Variants in AVIL observed in about 807,000 individuals in gnomAD.
The protein encoded by AVIL is advillin.
AVIL carries 78 observed loss-of-function variants against 109.9 expected under a neutral mutation model. The ratio of observed to expected loss-of-function variants is 0.71; its 90% CI spans 0.59 to 0.86. AVIL has a LOEUF of 0.86. Ranked by LOEUF, AVIL falls within the 40% of genes least tolerant of loss-of-function variation. The probability of loss-of-function intolerance (pLI) is 0.00; values close to 1 mark genes in which losing one functional copy is unlikely to be tolerated. For missense variants in AVIL, 892 were observed against 1,016.5 expected, an observed-to-expected ratio of 0.88 and a Z score of 1.67; for synonymous variants, 367 against 379.1, an observed-to-expected ratio of 0.97 and a Z score of 0.37.
At chr12:57,816,148 G>T in intron 1 of AVIL, 89 bp from the exon 2 acceptor site, 1 of 1,090,636 alleles carries the variant, frequency 9.2e-7, no homozygotes, top group Non-Finnish European at 1.3e-6. Flanking sequence ...TTCCCAGTCT[G>T]TTGTCAGCCA....
intron 1 of AVIL, 50 bp from the exon 2 acceptor site, chr12:57,816,109 G>T: frequency 1.3e-6 from 2 of 1,486,692 alleles, no homozygotes; most frequent in Non-Finnish European, 1.8e-6. Flanking sequence ...GCCATAGTGG[G>T]CATCAATCCA....
At chr12:57,808,071 C>T (rs952606609) in intron 11 of AVIL, 123 bp downstream of exon 11, 1 of 1,141,046 alleles carries the variant, frequency 8.8e-7, no homozygotes, top group Admixed American at 1.8e-5. Context: ...AAAGAAGACT[C>T]CTGAGGTGCC....
In AVIL at chr12:57,802,237, T is replaced by C. The variant is rs1220714666; in HGVS notation, c.2074A>G (p.Ile692Val). The C allele has an allele frequency of 6.2e-7, 1 of 1,614,174 alleles. No homozygotes were observed. The highest frequency in any genetic ancestry group is 8.5e-7 in the Non-Finnish European group (1 of 1,179,994). Residue 692 changes from isoleucine to valine, a missense_variant, in exon 17 of 20, where the codon ATC (isoleucine) becomes GTC (valine). Transcript: ENST00000549994. ...HPSGRDPDTP[I>V]LIIKQGFEPP... is the part of the protein sequence containing the mutation. Reference sequence around the variant, plus strand: ...TCAAACCCCTGCTTAATGATCAGGATTGGTGTGTCGGGATCTCGGCCGCTG... The same window carrying C: ...TCAAACCCCTGCTTAATGATCAGGACTGGTGTGTCGGGATCTCGGCCGCTG...
At position 57,813,424 on chromosome 12, in the gene AVIL, C is replaced by G; in HGVS notation, c.142-1G>C. On this transcript the variant is annotated splice_acceptor_variant, in intron 3 of 19. Coordinates refer to ENST00000549994, the MANE Select transcript of AVIL (RefSeq NM_006576.4). LOFTEE classifies it high-confidence loss of function. ...ATAGGAGACTGGCCACTCTCCGGGTCTGGGAGGTAGTCAGAGAGATCAGGT... is the reference window on the plus strand; with the variant it reads ...ATAGGAGACTGGCCACTCTCCGGGTGTGGGAGGTAGTCAGAGAGATCAGGT... The G allele has an allele frequency of 6.2e-7, 1 of 1,612,882 alleles. No homozygotes were observed. Among genetic ancestry groups the G allele is most frequent in the Non-Finnish European group, 8.5e-7 (1 of 1,179,504 alleles).
intron 2 of AVIL, 129 bp from the exon 3 acceptor site, chr12:57,814,355 C>CATCCTGTA: frequency 1.1e-6 from 1 of 931,948 alleles, no homozygotes; most frequent in Non-Finnish European, 1.6e-6. Flanking sequence ...AATGACCTTA[C>CATCCTGTA]AGGATGTGAG....
At position 57,807,383 on chromosome 12, in the gene AVIL, G is replaced by T. The variant is rs374415947; in HGVS notation, c.1439C>A (p.Thr480Lys). 1.7e-5 allele frequency: 27 copies of T among 1,614,054 alleles called. No homozygotes were observed. The highest frequency in any genetic ancestry group is 2.3e-5 in the Non-Finnish European group (27 of 1,180,044). The change falls in exon 13 of 20, where the codon ACG becomes AAG. Residue 480 changes from threonine to lysine, a missense_variant. Transcript: ENST00000549994. ...GATGGCCATGAAGTGGCGTGGCTCC[G>T]TTCCCATCCTGACTCGAACCTGCAC... is the stretch of plus-strand genomic sequence containing the variant. ...AAVQVRVRMGTEPRHFMAIFK... is the reference protein window; with the variant it reads ...AAVQVRVRMGKEPRHFMAIFK...
chr12:57,802,124 G>T (rs1376151277), intron 17 of AVIL, 36 bp downstream of exon 17: 10 of 1,606,216 alleles, frequency 6.2e-6, no homozygotes, highest in Admixed American at 3.3e-5. Flanking sequence ...GAGCTACCTG[G>T]CAGGAAGTTA....
intron 14 of AVIL, 48 bp downstream of exon 14, chr12:57,806,312 G>C: frequency 6.2e-7 from 1 of 1,605,078 alleles, no homozygotes; most frequent in Non-Finnish European, 8.5e-7. Context: ...GGGGAGTGCA[G>C]GTCTGGGCTC....
chr12:57,801,264 G>A, intron 17 of AVIL, 52 bp from the exon 18 acceptor site: 1 of 1,455,008 alleles, frequency 6.9e-7, no homozygotes, highest in Non-Finnish European at 9.6e-7. Context: ...ATAGGGGAGG[G>A]ACATCTTAGG....
At chr12:57,807,854 T>C in intron 11 of AVIL, 127 bp from the exon 12 acceptor site, 1 of 1,338,004 alleles carries the variant, frequency 7.5e-7, no homozygotes, top group Non-Finnish European at 1.1e-6. Flanking sequence ...TCCCTCTGGT[T>C]CTCTCCCAGT....
At chr12:57,805,699 A>G (rs2140446758) in intron 14 of AVIL, among the ~76,000 whole-genome samples, 1 of 151,562 alleles carries the variant, frequency 6.6e-6, no homozygotes, top group Middle Eastern at 3.4e-3. Context: ...ACACCCGGCT[A>G]ATTTTTTTTG....
At chr12:57,816,092 A>C (rs543174456) in intron 1 of AVIL, 33 bp from the exon 2 acceptor site, 2 of 1,546,240 alleles carry the variant, frequency 1.3e-6, no homozygotes, top group South Asian at 2.4e-5. Flanking sequence ...GGGAGATGAT[A>C]TCTCTTGCCA....
intron 6 of AVIL, 81 bp from the exon 7 acceptor site, chr12:57,810,632 C>G (rs1956024406): frequency 2.6e-6 from 4 of 1,520,940 alleles, no homozygotes; most frequent in Non-Finnish European, 3.6e-6. Flanking sequence ...CAGCCTAGAT[C>G]CCAGACACAG....
intron 1 of AVIL, among the ~76,000 whole-genome samples, chr12:57,818,403 G>A (rs1284340198): frequency 6.6e-6 from 1 of 151,926 alleles, no homozygotes; most frequent in Admixed American, 6.6e-5. Flanking sequence ...ATAGGTGAAA[G>A]GGGTCTGTCT....
Position 57,806,541 on chromosome 12 carries a change from T to G in AVIL, c.1492-2A>C. 6.2e-7 allele frequency: 1 copy of G among 1,613,842 alleles called. No homozygotes were observed. Among genetic ancestry groups the G allele is most frequent in the Non-Finnish European group, 8.5e-7 (1 of 1,179,920 alleles). ...ATTTCCCTTCCTGGAAGTCCCACCCTAGAGAGAAGAAAAGCAGAGTCCAGA... is the reference window on the plus strand; with the variant it reads ...ATTTCCCTTCCTGGAAGTCCCACCCGAGAGAGAAGAAAAGCAGAGTCCAGA... On this transcript the variant is annotated splice_acceptor_variant, in intron 13 of 19. Coordinates refer to ENST00000549994, the MANE Select transcript of AVIL (RefSeq NM_006576.4). LOFTEE classifies it high-confidence loss of function.
At chr12:57,816,365 C>T in intron 1 of AVIL, 1 of 237,466 alleles carries the variant, frequency 4.2e-6, no homozygotes, top group South Asian at 7.3e-5. Flanking sequence ...TGTATTGATT[C>T]ACTTTGCATA....
Position 57,797,594 on chromosome 12 carries a change from T to C in AVIL, c.*288A>G, listed in dbSNP as rs568300779. The C allele has an allele frequency of 1.1e-6, 1 of 928,204 alleles. No individual in the cohort carries two copies. The highest frequency in any genetic ancestry group is 5.0e-5 in the South Asian group (1 of 19,858). 57.5% of individuals were successfully genotyped at this position (928,204 alleles called of 1,614,324 possible). A position where few individuals can be genotyped will look rare whatever the true frequency, so the allele number is the denominator to read the frequency against. On this transcript the variant is annotated 3_prime_UTR_variant, in exon 20 of 20. Transcript: ENST00000549994. ...AAACATTTTAAGCATTGTTTTTTGG[T>C]TCTCTTTCTTTTGATTTCTCCAGAT...
At chr12:57,802,400 GTACTAGATCA>G in intron 16 of AVIL, 52 bp from the exon 17 acceptor site, 1 of 1,541,234 alleles carries the variant, frequency 6.5e-7, no homozygotes, top group Non-Finnish European at 8.8e-7. Flanking sequence ...CAAGGACTAA[GTACTAGATCA>G]TACACATTAC....
chr12:57,801,637 G>A (rs539788169), intron 17 of AVIL, among the ~76,000 whole-genome samples: 2 of 152,274 alleles, frequency 1.3e-5, no homozygotes, highest in South Asian at 4.1e-4. Context: ...CTACTTGGGA[G>A]GCTGAGGCAG....
Sources: allele counts gnomAD v4.1 joint callset (sites outside exome capture counted in the v4.1 genomes callset), GRCh38; gene constraint gnomAD v4.1.1; transcripts MANE v1.5; gene names NCBI Gene and HGNC (gene_info 2026-07-23, HGNC 2026-07-21).